KIAA1217: variants seen among roughly 807,000 people sequenced by gnomAD.
KIAA1217 encodes sickle tail protein homolog.
KIAA1217 carries 88 observed loss-of-function variants against 163.9 expected under a neutral mutation model. That is an observed-to-expected ratio of 0.54 (90% CI 0.45 to 0.64). The LOEUF (loss-of-function observed/expected upper bound fraction) is 0.64, where lower values mean the gene tolerates loss of function less well. KIAA1217 is among the 30% of genes least tolerant of loss of function. The pLI, the probability that KIAA1217 is intolerant of heterozygous loss-of-function variation, is 0.00. For missense variants in KIAA1217, 2,372 were observed against 2,475.0 expected, an observed-to-expected ratio of 0.96 and a Z score of 0.88; for synonymous variants, 903 against 923.1, an observed-to-expected ratio of 0.98 and a Z score of 0.39.
chr10:24,359,067 T>G (rs1564533232), intron 2 of KIAA1217, among the ~76,000 whole-genome samples: 1 of 115,872 alleles, frequency 8.6e-6, no homozygotes, highest in Non-Finnish European at 2.1e-5. Flanking sequence ...TTTCTTTTCT[T>G]TTCTTTCTTT....
intron 1 of KIAA1217, among the ~76,000 whole-genome samples, chr10:24,210,940 A>T (rs1386033415): frequency 2.7e-5 from 4 of 147,594 alleles, no homozygotes; most frequent in East Asian, 2.0e-4. Context: ...TAAACGGTGA[A>T]TTTTTTTTTT....
chr10:24,157,553 T>G (rs2064935533), intron 2 of KIAA1217, among the ~76,000 whole-genome samples: 1 of 152,216 alleles, frequency 6.6e-6, no homozygotes, highest in Non-Finnish European at 1.5e-5. Flanking sequence ...CTAGGAAATC[T>G]TTCCTTGACC....
Position 24,531,879 on chromosome 10 carries a change from G to GCCC in KIAA1217, c.3135_3137dup (p.Pro1052dup). ...ACTTGGAAAAGCTGGGGGGAAAGTC[G>GCCC]CCCCCTCCTCCTCCGCCACCTCCTC... is the stretch of plus-strand genomic sequence containing the variant. On this transcript the variant is annotated inframe_insertion, in exon 15 of 21. Coordinates refer to ENST00000376454, the MANE Select transcript of KIAA1217 (RefSeq NM_019590.5). 6.2e-7 allele frequency: 1 copy of GCCC among 1,607,302 alleles called. No homozygotes were observed. Among genetic ancestry groups the GCCC allele is most frequent in the South Asian group, 1.1e-5 (1 of 89,926 alleles).
rs2134033561 is a variant in KIAA1217 at position 24,503,809 on chromosome 10, A to G, written c.2001+2264A>G. Among the ~76,000 whole-genome samples, 6 of 152,218 alleles carry G rather than the reference A, an allele frequency of 3.9e-5. No homozygotes were observed. The South Asian group carries it at 1.2e-3, about 32-fold the overall frequency. ...TCCTGGAGGTCAAGCCCTTCCCTTC[A>G]CTGCTCCTGCCTTTTGGCACCATCT... On this transcript the variant is annotated intron_variant, in intron 9 of 20. Transcript: ENST00000376454.
chr10:23,964,000 C>A (rs1219748249), intron 1 of KIAA1217, among the ~76,000 whole-genome samples: 1 of 151,426 alleles, frequency 6.6e-6, no homozygotes, highest in African/African-American at 2.4e-5. Flanking sequence ...TTCAAGAAAT[C>A]CTCCTGCCTC....
At chr10:23,755,559 C>T (rs774544524) in intron 1 of KIAA1217, among the ~76,000 whole-genome samples, 6 of 151,900 alleles carry the variant, frequency 3.9e-5, no homozygotes, top group South Asian at 4.2e-4. Context: ...CTGGTGGCCT[C>T]GAGTGAGGAG....
chr10:24,002,134 G>T (rs1846770409), intron 1 of KIAA1217, among the ~76,000 whole-genome samples: 1 of 152,174 alleles, frequency 6.6e-6, no homozygotes, highest in Non-Finnish European at 1.5e-5. Context: ...CAGGGCTGTG[G>T]ATATTATTCT....
At chr10:23,904,343 C>T (rs888925933) in intron 1 of KIAA1217, among the ~76,000 whole-genome samples, 5 of 152,058 alleles carry the variant, frequency 3.3e-5, no homozygotes, top group Non-Finnish European at 5.9e-5. Flanking sequence ...AACAGATACC[C>T]GCATAGCAAT....
chr10:24,319,912 C>G (rs538119512), intron 2 of KIAA1217, among the ~76,000 whole-genome samples: 4 of 152,292 alleles, frequency 2.6e-5, no homozygotes, highest in African/African-American at 9.6e-5. Flanking sequence ...TTTGTTAACC[C>G]TACATTCGGG....
chr10:24,432,297 T>C (rs1326167759), intron 3 of KIAA1217, among the ~76,000 whole-genome samples: 4 of 147,818 alleles, frequency 2.7e-5, no homozygotes, highest in Non-Finnish European at 6.0e-5. Context: ...TTTGTATTTT[T>C]AGTAGAGATG....
intron 2 of KIAA1217, among the ~76,000 whole-genome samples, chr10:24,165,356 A>C (rs1374439283): frequency 6.6e-6 from 1 of 152,216 alleles, no homozygotes; most frequent in Non-Finnish European, 1.5e-5. Flanking sequence ...TCTGGCACCC[A>C]AGATCCATAT....
chr10:24,545,060 C>T lies in KIAA1217; in HGVS notation c.5291C>T (p.Pro1764Leu), dbSNP rs756376609. Residue 1764 changes from proline (P) to leucine (L), a missense_variant, in exon 20 of 21, where the codon CCC (proline) becomes CTC (leucine). Physicochemically the swap from Pro to Leu is moderately conservative, Grantham distance 98 (BLOSUM62 -3). Coordinates refer to ENST00000376454, the MANE Select transcript of KIAA1217 (RefSeq NM_019590.5). ...AKNRPGTLDKPGKQSKLQDPR... is the reference protein window; with the variant it reads ...AKNRPGTLDKLGKQSKLQDPR... ...AACAGACCCGGAACCCTGGACAAACCCGGCAAGCAGTCCAAACTGCAGGAT... is the reference window on the plus strand; with the variant it reads ...AACAGACCCGGAACCCTGGACAAACTCGGCAAGCAGTCCAAACTGCAGGAT... 2 of 1,614,174 alleles carry T rather than the reference C, an allele frequency of 1.2e-6. No homozygotes were observed. Among genetic ancestry groups the T allele is most frequent in the Non-Finnish European group, 8.5e-7 (1 of 1,180,030 alleles).
At chr10:24,292,119 G>A (rs546037826) in intron 2 of KIAA1217, among the ~76,000 whole-genome samples, 1 of 152,306 alleles carries the variant, frequency 6.6e-6, no homozygotes, top group South Asian at 2.1e-4. Flanking sequence ...GAGAATTAAA[G>A]GAGATATGAT....
chr10:24,334,368 T>A (rs921439429), intron 2 of KIAA1217, among the ~76,000 whole-genome samples: 1 of 149,010 alleles, frequency 6.7e-6, no homozygotes, highest in African/African-American at 2.5e-5. Context: ...AGTGAGACCC[T>A]GTGTCTTAGA....
chr10:24,476,775 G>A (rs979282807), intron 6 of KIAA1217, among the ~76,000 whole-genome samples: 12 of 151,980 alleles, frequency 7.9e-5, no homozygotes, highest in Middle Eastern at 3.4e-3. Flanking sequence ...TATGTGGGCC[G>A]GTTAGATTCT....
chr10:24,021,302 A>G (rs1361961043), intron 2 of KIAA1217, among the ~76,000 whole-genome samples: 1 of 152,010 alleles, frequency 6.6e-6, no homozygotes, highest in African/African-American at 2.4e-5. Context: ...TTTTCTGTAT[A>G]CCAGCAATCA....
chr10:23,809,769 C>CA (rs1208397329), intron 1 of KIAA1217, among the ~76,000 whole-genome samples: 1 of 151,808 alleles, frequency 6.6e-6, no homozygotes, highest in Non-Finnish European at 1.5e-5. Context: ...ACAATAGTAT[C>CA]AAAAAAATTT....
At chr10:23,991,944 C>T (rs961713893) in intron 1 of KIAA1217, among the ~76,000 whole-genome samples, 9 of 152,124 alleles carry the variant, frequency 5.9e-5, no homozygotes, top group African/African-American at 2.2e-4. Flanking sequence ...CTGCTCATTA[C>T]AAGCCTATGA....
At chr10:23,724,703 G>T (rs1838041276) in intron 1 of KIAA1217, among the ~76,000 whole-genome samples, 1 of 152,164 alleles carries the variant, frequency 6.6e-6, no homozygotes, top group African/African-American at 2.4e-5. Flanking sequence ...AATGGTCCCA[G>T]AAAGTCCACT....
Sources: allele counts gnomAD v4.1 joint callset (sites outside exome capture counted in the v4.1 genomes callset), GRCh38; gene constraint gnomAD v4.1.1; transcripts MANE v1.5; gene names NCBI Gene and HGNC (gene_info 2026-07-23, HGNC 2026-07-21).